MTCL1: variants seen among roughly 807,000 people sequenced by gnomAD.
MTCL1 encodes microtubule cross-linking factor 1.
A neutral mutation model predicts 141.4 loss-of-function variants in MTCL1; 79 were observed. That is an observed-to-expected ratio of 0.56 (90% CI 0.47 to 0.67). The LOEUF (loss-of-function observed/expected upper bound fraction) is 0.67. Ranked by LOEUF, MTCL1 falls within the 30% of genes least tolerant of loss-of-function variation. The probability of loss-of-function intolerance (pLI) is 0.00; values close to 1 mark genes in which losing one functional copy is unlikely to be tolerated. For missense variants in MTCL1, 2,177 were observed against 2,113.9 expected (o/e 1.03, Z -0.59); for synonymous variants, 914 against 875.8 (o/e 1.04, Z -0.77).
At chr18:8,794,065 C>A (rs544925226) in intron 8 of MTCL1, among the ~76,000 whole-genome samples, 1 of 152,212 alleles carries the variant, frequency 6.6e-6, no homozygotes, top group Non-Finnish European at 1.5e-5. Flanking sequence ...TCTACCACTA[C>A]ATGTATGACT....
chr18:8,727,548 T>C lies in MTCL1; in HGVS notation c.357+7052T>C, dbSNP rs140486578. 2.0e-3 allele frequency among the ~76,000 whole-genome samples: 298 copies of C among 152,334 alleles called. 1 individual carries two copies. The highest frequency in any genetic ancestry group is 6.4e-3 in the South Asian group (31 of 4,824). ...TTTGCATTTCTCTGATGATTAGTGA[T>C]GTGGAGCATTTCTTCATGTTTCTTG... On this transcript the variant is annotated intron_variant, in intron 4 of 16. Coordinates refer to ENST00000359865, the Ensembl canonical transcript of MTCL1.
chr18:8,720,374 C>G, exon 4 of MTCL1: 1 of 1,614,182 alleles, frequency 6.2e-7, no homozygotes, highest in Non-Finnish European at 8.5e-7. Flanking sequence ...GCACCACGAA[C>G]TTAAGACGGT....
At chr18:8,765,957 A>G (rs942508206) in intron 4 of MTCL1, among the ~76,000 whole-genome samples, 16 of 152,186 alleles carry the variant, frequency 1.1e-4, no homozygotes, top group Non-Finnish European at 4.4e-5. Flanking sequence ...ATGGATCTAG[A>G]CAGCCCCAGG....
intron 4 of MTCL1, among the ~76,000 whole-genome samples, chr18:8,753,263 G>A (rs1480343998): frequency 6.6e-6 from 1 of 152,200 alleles, no homozygotes; most frequent in African/African-American, 2.4e-5. Flanking sequence ...TAATCCAGTT[G>A]TTTACCTATG....
At chr18:8,802,506 A>G (rs961519680) in intron 10 of MTCL1, among the ~76,000 whole-genome samples, 1 of 152,246 alleles carries the variant, frequency 6.6e-6, no homozygotes, top group Admixed American at 6.5e-5. Context: ...AAAATTAGCC[A>G]GCATTGCATC....
At chr18:8,725,184 C>T (rs906170914) in intron 4 of MTCL1, among the ~76,000 whole-genome samples, 14 of 152,010 alleles carry the variant, frequency 9.2e-5, no homozygotes, top group African/African-American at 1.9e-4. Flanking sequence ...AGCACTTATA[C>T]GGGACTATAT....
At chr18:8,754,301 C>T (rs2148967194) in intron 4 of MTCL1, among the ~76,000 whole-genome samples, 1 of 152,282 alleles carries the variant, frequency 6.6e-6, no homozygotes, top group African/African-American at 2.4e-5. Flanking sequence ...GAACTCCTGG[C>T]CTCAAGCGAT....
At chr18:8,758,660 A>C (rs1305247650) in intron 4 of MTCL1, among the ~76,000 whole-genome samples, 1 of 152,162 alleles carries the variant, frequency 6.6e-6, no homozygotes. Context: ...TTTGTGCTGA[A>C]GTTTTCCTGA....
In MTCL1 at chr18:8,783,967, G is replaced by A. The variant is rs749659247; in HGVS notation, c.855G>A (p.Ala285=). ...ACCTGCAGTTTGTAGAAGAGGAAGC[G>A]GAGTTGCTCCGGAGGTCCATCTCCG... The change falls in exon 6 of 17, where the codon GCG becomes GCA. Residue 285 remains alanine, a synonymous_variant. Coordinates refer to ENST00000359865, the Ensembl canonical transcript of MTCL1. The A allele has an allele frequency of 3.7e-5, 60 of 1,613,680 alleles. No individual in the cohort carries two copies. The South Asian group carries it at 4.2e-4, about 11-fold the overall frequency.
rs376052944 is a variant in MTCL1, at chr18:8,785,957, G to T, written c.1753G>T (p.Glu585Ter). 1 of 1,601,344 alleles carries T rather than the reference G, an allele frequency of 6.2e-7. No individual in the cohort carries two copies. The highest frequency in any genetic ancestry group is 8.5e-7 in the Non-Finnish European group (1 of 1,175,208). Residue 585 changes from glutamate (E) to a stop codon, truncating the protein, a stop_gained, in exon 7 of 17, where the codon GAG becomes TAG. Transcript: ENST00000359865. LOFTEE classifies it high-confidence loss of function. ...ACAGTCCAGACTGAAAGAGCAGCTG[G>T]AGTGGCAGCTCGGGCCGGCCCGAGG...
chr18:8,789,205 G>C (rs539342052), intron 7 of MTCL1, among the ~76,000 whole-genome samples: 9 of 152,296 alleles, frequency 5.9e-5, no homozygotes, highest in South Asian at 2.1e-4. Context: ...ACAATCCCAC[G>C]TGCCTCAGCT....
intron 4 of MTCL1, among the ~76,000 whole-genome samples, chr18:8,762,536 T>A (rs1378705942): frequency 6.6e-6 from 1 of 152,200 alleles, no homozygotes; most frequent in African/African-American, 2.4e-5. Context: ...TCCTTGGCCA[T>A]GGAGAAGAAT....
intron 4 of MTCL1, among the ~76,000 whole-genome samples, chr18:8,773,429 A>G (rs558175231): frequency 1.3e-5 from 2 of 152,230 alleles, no homozygotes; most frequent in Non-Finnish European, 2.9e-5. Flanking sequence ...TTTTATTAAG[A>G]TGTGTTTTCT....
chr18:8,706,550 G>C (rs1478000344), exon 1 of MTCL1: 3 of 1,397,876 alleles, frequency 2.1e-6, no homozygotes, highest in Non-Finnish European at 2.8e-6. Context: ...GCGGGGCCCG[G>C]CGTGGCGGAG....
Position 8,806,891 on chromosome 18 carries a change from A to C in MTCL1, c.2437-2A>C, listed in dbSNP as rs1411316728. ...GTGGAGCCTGACTCAGTGTTCCCGC[A>C]GGTGGTGGAAAACCAGCAGCTGTTC... On this transcript the variant is annotated splice_acceptor_variant, in intron 10 of 16. Transcript: ENST00000359865. LOFTEE classifies it high-confidence loss of function. 3 of 1,612,608 alleles carry C rather than the reference A, an allele frequency of 1.9e-6. No individual in the cohort carries two copies. Among genetic ancestry groups the C allele is most frequent in the Non-Finnish European group, 2.5e-6 (3 of 1,179,656 alleles).
chr18:8,736,351 G>C (rs1479527847), intron 4 of MTCL1, among the ~76,000 whole-genome samples: 2 of 152,116 alleles, frequency 1.3e-5, no homozygotes, highest in African/African-American at 2.4e-5. Flanking sequence ...ACTATATTAA[G>C]TCAAAAATGC....
At chr18:8,793,382 T>C (rs541888684) in intron 8 of MTCL1, among the ~76,000 whole-genome samples, 4 of 152,164 alleles carry the variant, frequency 2.6e-5, no homozygotes, top group East Asian at 1.9e-4. Context: ...ATCTAAACTT[T>C]CCTGCAGCAA....
At position 8,828,895 on chromosome 18, in the gene MTCL1, CTGTT is replaced by C. The variant is rs1568119891; in HGVS notation, c.4723-12_4723-9del. The C allele has an allele frequency of 6.2e-7, 1 of 1,614,214 alleles. No homozygotes were observed. The highest frequency in any genetic ancestry group is 8.5e-7 in the Non-Finnish European group (1 of 1,180,016). The stretch of plus-strand genomic sequence containing the variant: ...TCTTGCTTTTCTTTTCTTTCTCTGT[CTGTT>C]CTGTCCAGAACCAAACTGTCTTGCT... On this transcript the variant is annotated splice_polypyrimidine_tract_variant and intron_variant, in intron 15 of 16. Transcript: ENST00000359865. This position sits in a 1 kb window ranked among gnomAD's most constrained non-coding sequence, Gnocchi z 5.2.
chr18:8,829,681 T>C (rs1001429240), intron 16 of MTCL1: 12 of 985,202 alleles, frequency 1.2e-5, no homozygotes, highest in African/African-American at 7.0e-5. Flanking sequence ...AAGCCAGTAG[T>C]ATCTGTTGTC....
Sources: allele counts gnomAD v4.1 joint callset (sites outside exome capture counted in the v4.1 genomes callset), GRCh38; gene constraint gnomAD v4.1.1; non-coding constraint Gnocchi (gnomAD v3.1); transcripts MANE v1.5; gene names NCBI Gene and HGNC (gene_info 2026-07-23, HGNC 2026-07-21).